The following PIBF1 variants were observed in gnomAD, a reference collection of about 807,000 sequenced individuals.
PIBF1 encodes progesterone immunomodulatory binding factor 1.
PIBF1 carries 90 observed loss-of-function variants against 112.5 expected under a neutral mutation model. The observed-to-expected ratio is 0.80, with a 90% CI of 0.67 to 0.95. The LOEUF is 0.95. PIBF1 is among the 40% of genes least tolerant of loss of function. The pLI is 0.00. For synonymous variants in PIBF1, 301 were observed against 288.6 expected (o/e 1.04, Z -0.44); for missense variants, 915 against 852.3 (o/e 1.07, Z -0.92).
chr13:72,839,645 G>T (rs1431280322), intron 9 of PIBF1, among the ~76,000 whole-genome samples: 1 of 152,068 alleles, frequency 6.6e-6, no homozygotes, highest in South Asian at 2.1e-4. Flanking sequence ...ACTTCCTATG[G>T]TTATTCCTAA....
chr13:72,921,908 A>G (rs2041308163), intron 13 of PIBF1, among the ~76,000 whole-genome samples: 1 of 152,168 alleles, frequency 6.6e-6, no homozygotes, highest in African/African-American at 2.4e-5. Context: ...TTCATTTAAG[A>G]CGATATTGTT....
intron 14 of PIBF1, among the ~76,000 whole-genome samples, chr13:72,944,376 G>A (rs1255079538): frequency 6.6e-6 from 1 of 151,762 alleles, no homozygotes; most frequent in South Asian, 2.1e-4. Context: ...GAACCCAGGA[G>A]GCAGAGGTTG....
At chr13:72,988,424 C>A (rs1056458459) in intron 16 of PIBF1, among the ~76,000 whole-genome samples, 1 of 151,880 alleles carries the variant, frequency 6.6e-6, no homozygotes, top group Non-Finnish European at 1.5e-5. Flanking sequence ...ATAGGGAGAT[C>A]GAGGGGCTGT....
At chr13:72,792,404 C>G (rs746863286) in intron 2 of PIBF1, 43 bp from the exon 3 acceptor site, 2 of 1,205,512 alleles carry the variant, frequency 1.7e-6, no homozygotes, top group Non-Finnish European at 2.4e-6. Context: ...GAAAGTTTTT[C>G]TTTATGACAA....
At chr13:72,995,736 G>A (rs997547590) in intron 16 of PIBF1, among the ~76,000 whole-genome samples, 3 of 151,994 alleles carry the variant, frequency 2.0e-5, no homozygotes, top group African/African-American at 7.3e-5. Context: ...TGGATCACGA[G>A]GTCAGGACTT....
At chr13:72,948,783 G>A (rs1167150043) in intron 14 of PIBF1, among the ~76,000 whole-genome samples, 6 of 152,162 alleles carry the variant, frequency 3.9e-5, no homozygotes, top group Non-Finnish European at 5.9e-5. Flanking sequence ...TTCACATGGC[G>A]GCAGCAAGGA....
intron 10 of PIBF1, among the ~76,000 whole-genome samples, chr13:72,881,416 T>C (rs1213573505): frequency 6.6e-6 from 1 of 151,984 alleles, no homozygotes; most frequent in East Asian, 1.9e-4. Context: ...ATTAAATACC[T>C]AGGAATTAAA....
rs540641852 is a variant in PIBF1 at position 72,849,651 on chromosome 13, G to A, written c.1224-4406G>A. Among the ~76,000 whole-genome samples, 4 of 152,174 alleles carry A rather than the reference G, an allele frequency of 2.6e-5. No individual in the cohort carries two copies. The East Asian group carries it at 7.7e-4, about 29-fold the overall frequency. On this transcript the variant is annotated intron_variant, in intron 9 of 17. Coordinates refer to ENST00000326291, the MANE Select transcript of PIBF1 (RefSeq NM_006346.4). ...GCTTATTTTGATTTCCCATCTATTG[G>A]TGCCTTGAGGTGGTCATGTAATATA... is the stretch of plus-strand genomic sequence containing the variant.
At position 72,931,176 on chromosome 13, in the gene PIBF1, C is replaced by A; in HGVS notation, c.1742C>A (p.Ala581Glu). The change falls in exon 14 of 18, where the codon GCA (alanine) becomes GAA (glutamate). Residue 581 changes from alanine to glutamate, a missense_variant. Coordinates refer to ENST00000326291, the MANE Select transcript of PIBF1 (RefSeq NM_006346.4). Reference protein sequence around the residue: ...KRRLKQSVHLARRVLQLEKQN... With the variant: ...KRRLKQSVHLERRVLQLEKQN... The stretch of plus-strand genomic sequence containing the variant: ...TTTCATTTGCCTAGTGTTCACTTGG[C>A]AAGAAGAGTGCTTCAATTAGAAAAA... 6.2e-7 allele frequency: 1 copy of A among 1,608,598 alleles called. No individual in the cohort carries two copies. Among genetic ancestry groups the A allele is most frequent in the Admixed American group, 1.7e-5 (1 of 59,562 alleles).
intron 2 of PIBF1, among the ~76,000 whole-genome samples, chr13:72,787,559 C>T (rs2034666519): frequency 6.6e-6 from 1 of 152,188 alleles, no homozygotes; most frequent in South Asian, 2.1e-4. Context: ...TCTGGTAACA[C>T]CACGCGGTAT....
At chr13:72,986,182 G>C (rs1420565752) in intron 16 of PIBF1, among the ~76,000 whole-genome samples, 1 of 150,860 alleles carries the variant, frequency 6.6e-6, no homozygotes, top group African/African-American at 2.4e-5. Context: ...AAAAAAGAAG[G>C]AAAAAAAAAT....
At position 72,826,619 on chromosome 13, in the gene PIBF1, A is replaced by G. The variant is rs7998942; in HGVS notation, c.807-391A>G. ...ACGTATCTACTATGCAATCTAAATG[A>G]TAAGTTGTATTTTTTTTTTTACCTT... On this transcript the variant is annotated intron_variant, in intron 6 of 17. Coordinates refer to ENST00000326291, the MANE Select transcript of PIBF1 (RefSeq NM_006346.4). Among the ~76,000 whole-genome samples, 386 of 150,130 alleles carry G rather than the reference A, an allele frequency of 2.6e-3. 2 individuals are homozygous for G. The highest frequency in any genetic ancestry group is 8.7e-3 in the African/African-American group (358 of 41,132).
intron 9 of PIBF1, among the ~76,000 whole-genome samples, chr13:72,846,385 A>C (rs2037882052): frequency 6.6e-6 from 1 of 152,110 alleles, no homozygotes; most frequent in South Asian, 2.1e-4. Flanking sequence ...CTCTTGCCTA[A>C]AAATTACTGC....
chr13:72,999,337 A>T (rs1035110158), intron 17 of PIBF1, among the ~76,000 whole-genome samples: 1 of 152,138 alleles, frequency 6.6e-6, no homozygotes, highest in African/African-American at 2.4e-5. Flanking sequence ...TACAGTTATT[A>T]TGTGCCAATT....
intron 13 of PIBF1, among the ~76,000 whole-genome samples, chr13:72,922,730 C>T (rs1164285086): frequency 1.3e-5 from 2 of 152,022 alleles, no homozygotes; most frequent in African/African-American, 4.8e-5. Flanking sequence ...GTTTTCCTTT[C>T]CTTTATTCTC....
At chr13:72,958,302 C>T in intron 14 of PIBF1, among the ~76,000 whole-genome samples, 3 of 110,310 alleles carry the variant, frequency 2.7e-5, no homozygotes, top group Non-Finnish European at 5.4e-5. Context: ...AAAGCAAGAC[C>T]CTATCTCAAA....
intron 6 of PIBF1, among the ~76,000 whole-genome samples, chr13:72,823,208 C>T (rs971952056): frequency 3.9e-5 from 6 of 151,974 alleles, no homozygotes; most frequent in African/African-American, 1.5e-4. Flanking sequence ...ATGACAGATA[C>T]AATATAAAAA....
At chr13:72,946,810 T>G (rs1199782370) in intron 14 of PIBF1, among the ~76,000 whole-genome samples, 2 of 152,180 alleles carry the variant, frequency 1.3e-5, no homozygotes, top group Non-Finnish European at 2.9e-5. Flanking sequence ...ATGCAAGAGG[T>G]GGGCTCCCAC....
intron 14 of PIBF1, among the ~76,000 whole-genome samples, chr13:72,950,559 T>C (rs2042268599): frequency 6.6e-6 from 1 of 152,240 alleles, no homozygotes; most frequent in Admixed American, 6.5e-5. Context: ...GAATAACTTA[T>C]AAAAGTAGTG....
Sources: gnomAD v4.1 joint callset for allele counts (sites outside exome capture counted in the v4.1 genomes callset) on GRCh38, gnomAD v4.1.1 for gene constraint, MANE v1.5 for transcripts, NCBI Gene and HGNC (gene_info 2026-07-23, HGNC 2026-07-21) for gene names.